The following PTPRK variants were observed in gnomAD, a reference collection of about 807,000 sequenced individuals.
The protein encoded by PTPRK is receptor-type tyrosine-protein phosphatase kappa.
PTPRK carries 75 observed loss-of-function variants against 178.0 expected under a neutral mutation model. That is an observed-to-expected ratio of 0.42 (90% CI 0.35 to 0.51). The LOEUF is 0.51. PTPRK is among the 20% of genes least tolerant of loss of function. The probability of loss-of-function intolerance (pLI) is 0.02; values close to 1 mark genes in which losing one functional copy is unlikely to be tolerated. For missense variants in PTPRK, 1,441 were observed against 1,797.8 expected, an observed-to-expected ratio of 0.80 and a Z score of 3.59; for synonymous variants, 637 against 620.6, an observed-to-expected ratio of 1.03 and a Z score of -0.39.
intron 1 of PTPRK, among the ~76,000 whole-genome samples, chr6:128,430,353 C>G (rs1242779093): frequency 1.3e-5 from 2 of 152,122 alleles, no homozygotes; most frequent in African/African-American, 4.8e-5. Context: ...GCATTGAATT[C>G]TAAAGTAACT....
chr6:128,514,376 G>A (rs1315913015), intron 1 of PTPRK, among the ~76,000 whole-genome samples: 1 of 130,222 alleles, frequency 7.7e-6, no homozygotes, highest in Non-Finnish European at 1.5e-5. Context: ...TAAGATGTGT[G>A]TGTGTGTGTG....
intron 1 of PTPRK, among the ~76,000 whole-genome samples, chr6:128,502,588 AACCAGCCTAT>A (rs1455169341): frequency 1.1e-4 from 16 of 152,202 alleles, no homozygotes; most frequent in African/African-American, 3.9e-4. Flanking sequence ...GCTGGGCTGA[AACCAGCCTAT>A]ACCAGCTCCT....
chr6:128,327,789 A>G (rs1829766304), intron 2 of PTPRK, among the ~76,000 whole-genome samples: 1 of 152,222 alleles, frequency 6.6e-6, no homozygotes, highest in South Asian at 2.1e-4. Flanking sequence ...TAACGCTGTG[A>G]AGAAAACCTT....
At chr6:128,312,022 G>A (rs1295293009) in intron 3 of PTPRK, among the ~76,000 whole-genome samples, 1 of 152,168 alleles carries the variant, frequency 6.6e-6, no homozygotes, top group East Asian at 1.9e-4. Context: ...TTTATGCTTA[G>A]GTTCAATGAT....
chr6:128,011,748 A>C (rs1308556542), intron 13 of PTPRK, among the ~76,000 whole-genome samples: 2 of 151,216 alleles, frequency 1.3e-5, no homozygotes, highest in Non-Finnish European at 3.0e-5. Flanking sequence ...TAGATAGGTT[A>C]ATGAATTCAT....
intron 1 of PTPRK, among the ~76,000 whole-genome samples, chr6:128,496,194 T>C (rs1390012386): frequency 1.3e-5 from 2 of 152,030 alleles, no homozygotes; most frequent in Non-Finnish European, 2.9e-5. Context: ...AGACTGAGAG[T>C]GTCTTTCAAA....
At chr6:128,462,625 TTTTATTTA>T (rs201968289) in intron 1 of PTPRK, among the ~76,000 whole-genome samples, 10,840 of 142,918 alleles carry the variant, frequency 0.076, 1,127 homozygotes, top group East Asian at 0.54. Flanking sequence ...AGTAGGTATA[TTTTATTTA>T]TTTATTTATT....
At chr6:128,400,026 T>C (rs1253317341) in intron 1 of PTPRK, among the ~76,000 whole-genome samples, 1 of 152,208 alleles carries the variant, frequency 6.6e-6, no homozygotes, top group East Asian at 1.9e-4. Flanking sequence ...ACAAATTTTT[T>C]TGTAAAGAAT....
At chr6:128,039,454 T>A (rs1776795015) in intron 13 of PTPRK, among the ~76,000 whole-genome samples, 1 of 152,168 alleles carries the variant, frequency 6.6e-6, no homozygotes, top group South Asian at 2.1e-4. Flanking sequence ...GAATGCCAAC[T>A]GAAATTACAT....
intron 3 of PTPRK, among the ~76,000 whole-genome samples, chr6:128,319,750 T>C (rs1828529148): frequency 6.6e-6 from 1 of 152,112 alleles, no homozygotes; most frequent in Non-Finnish European, 1.5e-5. Flanking sequence ...GTATGGGAGA[T>C]TTAATGTTTT....
intron 6 of PTPRK, among the ~76,000 whole-genome samples, chr6:128,208,297 T>TAAAAA (rs1807341877): frequency 9.3e-6 from 1 of 107,064 alleles, no homozygotes; most frequent in African/African-American, 4.2e-5. Flanking sequence ...TCCTACACCC[T>TAAAAA]CAAAAAAAAA....
intron 3 of PTPRK, among the ~76,000 whole-genome samples, chr6:128,269,038 A>G (rs1305542538): frequency 1.3e-5 from 2 of 152,098 alleles, no homozygotes; most frequent in Non-Finnish European, 2.9e-5. Flanking sequence ...TTGGCTTTCC[A>G]CCAATAAATT....
intron 5 of PTPRK, among the ~76,000 whole-genome samples, chr6:128,238,578 T>TTA (rs769261999): frequency 6.3e-4 from 96 of 152,300 alleles, no homozygotes; most frequent in South Asian, 3.3e-3. Context: ...CAGCTAATGT[T>TTA]CCCATCTAAA....
intron 14 of PTPRK, among the ~76,000 whole-genome samples, chr6:128,006,921 G>A (rs1429131677): frequency 6.6e-6 from 1 of 150,770 alleles, no homozygotes; most frequent in African/African-American, 2.4e-5. Context: ...AAAAAGACAT[G>A]GAACTGTTTT....
At chr6:128,280,521 T>C (rs1352181189) in intron 3 of PTPRK, among the ~76,000 whole-genome samples, 1 of 152,158 alleles carries the variant, frequency 6.6e-6, no homozygotes, top group Non-Finnish European at 1.5e-5. Context: ...AACTTAACAA[T>C]ACAGCCCATT....
intron 13 of PTPRK, among the ~76,000 whole-genome samples, chr6:128,052,009 A>T (rs1779093750): frequency 6.6e-6 from 1 of 152,120 alleles, no homozygotes. Context: ...CAGCAGATAC[A>T]CACCAAGACA....
intron 1 of PTPRK, among the ~76,000 whole-genome samples, chr6:128,461,231 CGTGTGTGT>C (rs144928884): frequency 5.4e-5 from 8 of 147,074 alleles, no homozygotes; most frequent in South Asian, 4.3e-4. Context: ...TTTGTTATTC[CGTGTGTGT>C]GTGTGTGTGT....
rs572585493 is a variant in PTPRK at position 128,033,674 on chromosome 6, T to C, written c.2195-24406A>G. 1.4e-4 allele frequency among the ~76,000 whole-genome samples: 21 copies of C among 152,134 alleles called. No individual in the cohort carries two copies. The South Asian group carries it at 4.1e-3, about 30-fold the overall frequency. ...ATTGCTTGAGCCCAGGAGTTTGAGATCAGCCTGGGCTACGTAGAGAGATCT... is the reference window on the plus strand; with the variant it reads ...ATTGCTTGAGCCCAGGAGTTTGAGACCAGCCTGGGCTACGTAGAGAGATCT... On this transcript the variant is annotated intron_variant, in intron 13 of 29. Coordinates refer to ENST00000368226, the MANE Select transcript of PTPRK (RefSeq NM_002844.4).
intron 6 of PTPRK, among the ~76,000 whole-genome samples, chr6:128,199,405 T>C (rs963551466): frequency 2.6e-5 from 4 of 152,294 alleles, no homozygotes; most frequent in African/African-American, 9.6e-5. Flanking sequence ...TACTTATTAA[T>C]GTTATAAACC....
Sources: gnomAD v4.1 joint callset for allele counts (sites outside exome capture counted in the v4.1 genomes callset) on GRCh38, gnomAD v4.1.1 for gene constraint, MANE v1.5 for transcripts, NCBI Gene and HGNC (gene_info 2026-07-23, HGNC 2026-07-21) for gene names.